The following GNL2 variants were observed in gnomAD, a reference collection of about 807,000 sequenced individuals.
GNL2 encodes the protein nucleolar GTP-binding protein 2.
Under a neutral mutation model 92.3 loss-of-function variants are expected in GNL2, and 51 were observed. That is an observed-to-expected ratio of 0.55 (90% CI 0.44 to 0.70). GNL2 has a LOEUF of 0.70. Among genes scored for constraint, GNL2 ranks in the 30% least tolerant of loss-of-function variants. GNL2 has a pLI of 0.00. For synonymous variants in GNL2, 283 were observed against 300.6 expected, an observed-to-expected ratio of 0.94 and a Z score of 0.61; for missense variants, 844 against 895.6, an observed-to-expected ratio of 0.94 and a Z score of 0.74.
intron 15 of GNL2, 122 bp from the exon 16 acceptor site, chr1:37,567,129 C>CCAGTAGCTG: frequency 9.9e-7 from 1 of 1,008,260 alleles, no homozygotes; most frequent in Non-Finnish European, 1.4e-6. Context: ...TCCACAGCTA[C>CCAGTAGCTG]TGGAAGCAGT....
chr1:37,592,625 A>C (rs1039053060), intron 3 of GNL2, 87 bp downstream of exon 3: 3 of 731,954 alleles, frequency 4.1e-6, no homozygotes, highest in African/African-American at 1.8e-5. Context: ...CTCACCAAAA[A>C]CTCCTGCTGT....
chr1:37,589,284 C>G (rs1643873507), intron 4 of GNL2, among the ~76,000 whole-genome samples: 1 of 152,188 alleles, frequency 6.6e-6, no homozygotes, highest in Admixed American at 6.5e-5. Flanking sequence ...TGCAAGTAAA[C>G]AGTTTTCTTT....
At chr1:37,592,520 C>T (rs529404382) in intron 3 of GNL2, among the ~76,000 whole-genome samples, 192 bp downstream of exon 3, 10 of 152,214 alleles carry the variant, frequency 6.6e-5, no homozygotes, top group Admixed American at 6.5e-5. Flanking sequence ...TAATGGTGAG[C>T]GCTCTTCAAA....
chr1:37,579,356 T>A (rs564738815), intron 8 of GNL2, among the ~76,000 whole-genome samples: 7 of 152,010 alleles, frequency 4.6e-5, no homozygotes, highest in South Asian at 4.2e-4. Context: ...GAGACCAGCC[T>A]GACCAACACG....
intron 4 of GNL2, 101 bp from the exon 5 acceptor site, chr1:37,587,596 C>A: frequency 1.3e-6 from 1 of 741,762 alleles, no homozygotes; most frequent in South Asian, 2.0e-5. Context: ...TTTATTTTTC[C>A]AAGGTTCAAC....
chr1:37,568,531 G>A, intron 13 of GNL2, 174 bp from the exon 14 acceptor site: 1 of 607,918 alleles, frequency 1.6e-6, no homozygotes, highest in Non-Finnish European at 2.9e-6. Flanking sequence ...TGTTTCTAAA[G>A]CTTCTCATAC....
At chr1:37,582,513 G>C (rs1643786553) in intron 7 of GNL2, among the ~76,000 whole-genome samples, 177 bp from the exon 8 acceptor site, 1 of 152,166 alleles carries the variant, frequency 6.6e-6, no homozygotes, top group African/African-American at 2.4e-5. Context: ...TTGTTCTTCT[G>C]TCTTATAAAT....
Position 37,568,352 on chromosome 1 carries a change from G to C in GNL2, c.1874C>G (p.Ser625Cys), listed in dbSNP as rs373710378. The C allele has an allele frequency of 1.6e-5, 26 of 1,603,190 alleles. No individual in the cohort carries two copies. Among genetic ancestry groups the C allele is most frequent in the Admixed American group, 3.3e-5 (2 of 59,942 alleles). ...KAKKFSAVRI[S>C]KGLSEKIFAK... ...AAATATCTTTTCACTCAGTCCCTTG[G>C]ATATTCTGAAACAGAAAAGCAAAGT... Residue 625 changes from serine to cysteine, a missense_variant, in exon 14 of 16, where the codon TCC (serine) becomes TGC (cysteine). By Grantham distance (112) the Ser-to-Cys change is moderately radical (BLOSUM62 -1). Transcript: ENST00000373062.
rs1162451762 is a variant in GNL2, at chr1:37,593,828, C to G, written c.83G>C (p.Gly28Ala). Residue 28 changes from glycine to alanine, a missense_variant, in exon 2 of 16, where the codon GGA becomes GCA. Physicochemically the swap from Gly to Ala is moderately conservative, Grantham distance 60. Coordinates refer to ENST00000373062, the MANE Select transcript of GNL2 (RefSeq NM_013285.3). ...STNPDRVQGA[G>A]GQNMRDRATI... ...GGCCCGGTCCCTCATGTTTTGGCCT[C>G]CTGCTCCCTGCACTCGATCTACAAA... The G allele has an allele frequency of 6.2e-7, 1 of 1,613,330 alleles. No individual in the cohort carries two copies. Among genetic ancestry groups the G allele is most frequent in the Non-Finnish European group, 8.5e-7 (1 of 1,179,664 alleles).
chr1:37,567,521 G>T, intron 15 of GNL2, 152 bp downstream of exon 15: 1 of 646,612 alleles, frequency 1.5e-6, no homozygotes. Flanking sequence ...GCATCTAGTG[G>T]GCCAGACCCG....
At position 37,577,027 on chromosome 1, in the gene GNL2, G is replaced by A. The variant is rs75135810; in HGVS notation, c.910-471C>T. 5.3e-5 allele frequency among the ~76,000 whole-genome samples: 8 copies of A among 151,826 alleles called. 1 individual carries two copies. The highest frequency in any genetic ancestry group is 3.4e-3 in the Middle Eastern group (1 of 294). On this transcript the variant is annotated intron_variant, in intron 8 of 15. Transcript: ENST00000373062. ...CTTGGGAGGCTGAGGCAGGAGAATC[G>A]CTTGAACCTGGGAGGCCGAAGTTGC...
In GNL2 at chr1:37,568,577, C is replaced by T. The variant is rs559613594; in HGVS notation, c.1869-220G>A. ...TGAATTTTACAAAATTTACAGTTCA[C>T]TTTTTAAAAATGGCAATAACAGCCA... On this transcript the variant is annotated intron_variant, in intron 13 of 15. Transcript: ENST00000373062. Among the ~76,000 whole-genome samples, 4 of 152,278 alleles carry T rather than the reference C, an allele frequency of 2.6e-5. No homozygotes were observed. In the South Asian group the frequency reaches 8.3e-4, roughly 32 times the overall value.
Position 37,567,605 on chromosome 1 carries a change from CA to C in GNL2, c.2043+67del, listed in dbSNP as rs1373539476. 32 of 1,048,508 alleles carry C rather than the reference CA, an allele frequency of 3.1e-5. No homozygotes were observed. In the Admixed American group the frequency reaches 5.5e-4, roughly 18 times the overall value. The allele number at this position is 1,048,508 out of a possible 1,614,324, so 65.0% of individuals were successfully genotyped here. Reference sequence around the variant, plus strand: ...GGATTCAGCTCTGGACCATTTGTTTCAGTGGGTCTTGACAACTGGAGTTCTA... The same window carrying C: ...GGATTCAGCTCTGGACCATTTGTTTCGTGGGTCTTGACAACTGGAGTTCTA... On this transcript the variant is annotated intron_variant, in intron 15 of 15. Transcript: ENST00000373062.
rs752683186 is a variant in GNL2 at position 37,574,418 on chromosome 1, G to A, written c.1341C>T (p.Val447=). Reference sequence around the variant, plus strand: ...TCCGGCCCCTCTGCCAGTCATTGAGGACCATCTTACCCACAGTCTGCAAGT... The same window carrying A: ...TCCGGCCCCTCTGCCAGTCATTGAGAACCATCTTACCCACAGTCTGCAAGT... The part of the protein sequence containing the change: ...EPDLQTVGKM[V]LNDWQRGRIP... The change falls in exon 12 of 16, where the codon GTC becomes GTT. Residue 447 remains valine (V), a synonymous_variant. Transcript: ENST00000373062. 2 of 1,613,914 alleles carry A rather than the reference G, an allele frequency of 1.2e-6. No individual in the cohort carries two copies. The highest frequency in any genetic ancestry group is 1.7e-6 in the Non-Finnish European group (2 of 1,179,976).
intron 12 of GNL2, among the ~76,000 whole-genome samples, chr1:37,572,364 A>G (rs1643607248): frequency 6.6e-6 from 1 of 152,104 alleles, no homozygotes; most frequent in African/African-American, 2.4e-5. Context: ...GTGGTGACTC[A>G]TGGTAGACCC....
At chr1:37,570,577 C>A (rs1643579696) in intron 12 of GNL2, 1 of 152,154 alleles carries the variant, frequency 6.6e-6, no homozygotes, top group Admixed American at 6.5e-5. Context: ...CAAGTTTGAC[C>A]CTCTCTTGCT....
chr1:37,568,964 C>T lies in GNL2; in HGVS notation c.1755G>A (p.Glu585=), dbSNP rs755573821. 1 of 1,614,124 alleles carries T rather than the reference C, an allele frequency of 6.2e-7. No individual in the cohort carries two copies. Among genetic ancestry groups the T allele is most frequent in the Non-Finnish European group, 8.5e-7 (1 of 1,179,988 alleles). ...TGGTGTCGTTTCCCACATTTTCCTCCTCAGGCTCCGAGGAAGACTCTTCCG... is the reference window on the plus strand; with the variant it reads ...TGGTGTCGTTTCCCACATTTTCCTCTTCAGGCTCCGAGGAAGACTCTTCCG... The part of the protein sequence containing the change: ...DDAEESSSEP[E]EENVGNDTKA... The change falls in exon 13 of 16, where the codon GAG becomes GAA. Residue 585 remains glutamate (E), a synonymous_variant. Coordinates refer to ENST00000373062, the MANE Select transcript of GNL2 (RefSeq NM_013285.3).
chr1:37,579,895 C>CAAAAAAAAAAAAAAAAAA (rs34353424), intron 8 of GNL2, among the ~76,000 whole-genome samples: 5 of 73,878 alleles, frequency 6.8e-5, no homozygotes, highest in Admixed American at 1.7e-4. Context: ...GACTCTGCCT[C>CAAAAAAAAAAAAAAAAAA]AAAAAAAAAA....
intron 8 of GNL2, among the ~76,000 whole-genome samples, chr1:37,577,063 G>A (rs1386908092): frequency 6.7e-5 from 10 of 150,282 alleles, no homozygotes; most frequent in African/African-American, 1.2e-4. Context: ...AGGGAACCAA[G>A]ATCATGCACT....
Sources: gnomAD v4.1 joint callset for allele counts (sites outside exome capture counted in the v4.1 genomes callset) on GRCh38, gnomAD v4.1.1 for gene constraint, MANE v1.5 for transcripts, NCBI Gene and HGNC (gene_info 2026-07-23, HGNC 2026-07-21) for gene names.